MTHFD2: variants seen among roughly 807,000 people sequenced by gnomAD.
The protein encoded by MTHFD2 is bifunctional methylenetetrahydrofolate dehydrogenase/cyclohydrolase, mitochondrial.
MTHFD2 carries 26 observed loss-of-function variants against 36.8 expected under a neutral mutation model. The observed-to-expected ratio is 0.71, with a 90% CI of 0.52 to 0.98. The LOEUF (loss-of-function observed/expected upper bound fraction) is 0.98. MTHFD2 is among the 50% of genes least tolerant of loss of function. The pLI, the probability that MTHFD2 is intolerant of heterozygous loss-of-function variation, is 0.00. For synonymous variants in MTHFD2, 164 were observed against 155.2 expected (o/e 1.06, Z -0.42); for missense variants, 373 against 434.0 (o/e 0.86, Z 1.25).
Position 74,211,772 on chromosome 2 carries a change from C to T in MTHFD2, c.795C>T (p.Ile265=). 6.2e-7 allele frequency: 1 copy of T among 1,611,500 alleles called. No individual in the cohort carries two copies. The highest frequency in any genetic ancestry group is 8.5e-7 in the Non-Finnish European group (1 of 1,179,384). The change falls in exon 7 of 8, where the codon ATC becomes ATT. Residue 265 remains isoleucine (I), a synonymous_variant. Coordinates refer to ENST00000394053, the MANE Select transcript of MTHFD2 (RefSeq NM_006636.4). The stretch of plus-strand genomic sequence containing the variant: ...CAAATCTGATCACAGCAGATATGAT[C>T]AAGGAAGGAGCAGCAGTCATTGATG... ...GIPNLITADM[I]KEGAAVIDVG...
intron 7 of MTHFD2, among the ~76,000 whole-genome samples, chr2:74,213,045 C>T (rs1025942272): frequency 6.6e-6 from 1 of 151,844 alleles, no homozygotes; most frequent in African/African-American, 2.4e-5. Flanking sequence ...GCTGGGATTA[C>T]AGACATGAGC....
In MTHFD2 at chr2:74,203,953, G is replaced by A. The variant is rs977499973; in HGVS notation, c.102-1752G>A. Among the ~76,000 whole-genome samples, 20 of 143,246 alleles carry A rather than the reference G, an allele frequency of 1.4e-4. No individual in the cohort carries two copies. In the South Asian group the frequency reaches 1.6e-3, roughly 11 times the overall value. 94.0% of individuals were successfully genotyped at this position (143,246 alleles called of 152,430 possible). ...TTTTGAGATGCAGTCTTTCTCTGTCGCCCAGGCTAGAGTGCAGTGGGGTGA... is the reference window on the plus strand; with the variant it reads ...TTTTGAGATGCAGTCTTTCTCTGTCACCCAGGCTAGAGTGCAGTGGGGTGA... On this transcript the variant is annotated intron_variant, in intron 1 of 7. Coordinates refer to ENST00000394053, the MANE Select transcript of MTHFD2 (RefSeq NM_006636.4).
intron 4 of MTHFD2, 144 bp downstream of exon 4, chr2:74,208,865 G>GTT: frequency 7.6e-5 from 59 of 778,422 alleles, no homozygotes; most frequent in South Asian, 1.4e-4. Context: ...TCTCTTAACA[G>GTT]TTTTTTTTTT....
chr2:74,212,172 C>G (rs1300623626), intron 7 of MTHFD2, among the ~76,000 whole-genome samples: 1 of 110,392 alleles, frequency 9.1e-6, no homozygotes, highest in Admixed American at 8.3e-5. Context: ...TTCCTTCTTT[C>G]TTTCCTTCCT....
chr2:74,202,814 C>T (rs1405180157), intron 1 of MTHFD2, among the ~76,000 whole-genome samples: 1 of 152,140 alleles, frequency 6.6e-6, no homozygotes, highest in African/African-American at 2.4e-5. Context: ...ATGTGAGCCA[C>T]CATGCCCGGC....
At chr2:74,207,306 T>G (rs1558854787) in intron 2 of MTHFD2, among the ~76,000 whole-genome samples, 1 of 152,028 alleles carries the variant, frequency 6.6e-6, no homozygotes, top group Non-Finnish European at 1.5e-5. Flanking sequence ...TTTTTTGTAT[T>G]TTTAGTAGAG....
rs375591307 is a variant in MTHFD2, at chr2:74,205,912, G to T, written c.286+23G>T. On this transcript the variant is annotated intron_variant, in intron 2 of 7. Transcript: ENST00000394053. ...TGGGTATGTGTCCTTCTGAGACCTC[G>T]ACTGCGGTTCAGTTGAGGTTTATAT... The T allele has an allele frequency of 2.5e-6, 4 of 1,603,010 alleles. No homozygotes were observed. The South Asian group carries it at 3.3e-5, about 13-fold the overall frequency.
intron 1 of MTHFD2, among the ~76,000 whole-genome samples, chr2:74,202,480 C>T (rs1466686331): frequency 6.6e-6 from 1 of 151,886 alleles, no homozygotes; most frequent in African/African-American, 2.4e-5. Context: ...GGAATGTTGC[C>T]AGGTGTATTT....
At chr2:74,210,109 G>A (rs1042033024) in intron 5 of MTHFD2, 60 bp downstream of exon 5, 31 of 1,347,894 alleles carry the variant, frequency 2.3e-5, no homozygotes, top group Non-Finnish European at 3.0e-5. Flanking sequence ...ACTTTCAGAA[G>A]CCATCCTGTG....
intron 1 of MTHFD2, among the ~76,000 whole-genome samples, chr2:74,204,992 AT>A (rs1273492747): frequency 1.3e-5 from 2 of 151,996 alleles, no homozygotes; most frequent in Non-Finnish European, 2.9e-5. Context: ...CGCCCAGCTA[AT>A]TTTTGTATTT....
intron 6 of MTHFD2, 51 bp from the exon 7 acceptor site, chr2:74,211,690 C>T (rs374687965): frequency 3.3e-6 from 5 of 1,522,740 alleles, no homozygotes; most frequent in South Asian, 1.3e-5. Flanking sequence ...AAGAATCTGA[C>T]AGGTAGACTG....
chr2:74,199,089 C>T (rs1372029627), intron 1 of MTHFD2, among the ~76,000 whole-genome samples: 1 of 152,224 alleles, frequency 6.6e-6, no homozygotes, highest in African/African-American at 2.4e-5. Flanking sequence ...CTTCCGACAG[C>T]GCCGGCCGCC....
intron 1 of MTHFD2, among the ~76,000 whole-genome samples, chr2:74,204,221 C>T (rs1299046019): frequency 3.3e-5 from 5 of 152,028 alleles, no homozygotes; most frequent in African/African-American, 7.3e-5. Flanking sequence ...GCCAGATGCT[C>T]ATCTTTAAGT....
Position 74,201,856 on chromosome 2 carries a change from G to A in MTHFD2, c.101+3114G>A, listed in dbSNP as rs183687414. The stretch of plus-strand genomic sequence containing the variant: ...GCTGTATTTCACATTTTGCAGAGTT[G>A]TGGGAAGCAGAGGAGGGCTGACAGT... On this transcript the variant is annotated intron_variant, in intron 1 of 7. Coordinates refer to ENST00000394053, the MANE Select transcript of MTHFD2 (RefSeq NM_006636.4). Among the ~76,000 whole-genome samples, 235 of 152,308 alleles carry A rather than the reference G, an allele frequency of 1.5e-3. 1 individual carries two copies. Among genetic ancestry groups the A allele is most frequent in the African/African-American group, 5.5e-3 (229 of 41,568 alleles).
intron 7 of MTHFD2, 57 bp from the exon 8 acceptor site, chr2:74,214,022 G>T: frequency 1.3e-6 from 2 of 1,543,090 alleles, no homozygotes; most frequent in Middle Eastern, 1.8e-4. Flanking sequence ...ATATATTAAA[G>T]TACACACATG....
intron 1 of MTHFD2, among the ~76,000 whole-genome samples, chr2:74,202,791 G>T (rs576348455): frequency 3.3e-5 from 5 of 152,226 alleles, no homozygotes; most frequent in South Asian, 4.1e-4. Flanking sequence ...TTCCCGAAGT[G>T]TTGGGATTAC....
Position 74,207,616 on chromosome 2 carries a change from C to T in MTHFD2, c.287-88C>T, listed in dbSNP as rs866211196. ...AGGGATGAGTGTGATGATACAAAACCCGTATGGTAGCCAAGTATGGTAGGC... is the reference window on the plus strand; with the variant it reads ...AGGGATGAGTGTGATGATACAAAACTCGTATGGTAGCCAAGTATGGTAGGC... On this transcript the variant is annotated intron_variant, in intron 2 of 7. Coordinates refer to ENST00000394053, the MANE Select transcript of MTHFD2 (RefSeq NM_006636.4). 44 of 1,295,338 alleles carry T rather than the reference C, an allele frequency of 3.4e-5. No individual in the cohort carries two copies. In the Middle Eastern group the frequency reaches 8.4e-4, roughly 25 times the overall value. 80.2% of individuals were successfully genotyped at this position (1,295,338 alleles called of 1,614,324 possible).
intron 1 of MTHFD2, among the ~76,000 whole-genome samples, chr2:74,203,901 GT>G (rs1558852909): frequency 0.035 from 1,033 of 29,310 alleles, 9 homozygotes; most frequent in African/African-American, 0.063. Context: ...GTTTAGTTTA[GT>G]TTAGTTAGTT....
rs189288411 is a variant in MTHFD2, at chr2:74,206,976, C to T, written c.287-728C>T. On this transcript the variant is annotated intron_variant, in intron 2 of 7. Coordinates refer to ENST00000394053, the MANE Select transcript of MTHFD2 (RefSeq NM_006636.4). ...ACCTGCCTCAGGTGATCTGCGCCTG[C>T]CTCAGCCTCCCAAAGTGCTGGGATT... Among the ~76,000 whole-genome samples, 34 of 152,202 alleles carry T rather than the reference C, an allele frequency of 2.2e-4. No homozygotes were observed. The East Asian group carries it at 6.6e-3, about 30-fold the overall frequency.
Sources: allele counts gnomAD v4.1 joint callset (sites outside exome capture counted in the v4.1 genomes callset), GRCh38; gene constraint gnomAD v4.1.1; transcripts MANE v1.5; gene names NCBI Gene and HGNC (gene_info 2026-07-23, HGNC 2026-07-21).